The following PRMT8 variants were observed in gnomAD, a reference collection of about 807,000 sequenced individuals.
The protein encoded by PRMT8 is protein arginine methyltransferase 8, also known as protein arginine N-methyltransferase 8.
PRMT8 carries 7 observed loss-of-function variants against 47.1 expected under a neutral mutation model. The ratio of observed to expected loss-of-function variants is 0.15; its 90% CI spans 0.08 to 0.28. PRMT8 has a LOEUF of 0.28. PRMT8 is among the 10% of genes least tolerant of loss of function. The pLI, the probability that PRMT8 is intolerant of heterozygous loss-of-function variation, is 1.00. For synonymous variants in PRMT8, 188 were observed against 186.5 expected (o/e 1.01, Z -0.07); for missense variants, 237 against 505.4 (o/e 0.47, Z 5.09).
Position 3,569,682 on chromosome 12 carries a change from A to G in PRMT8, c.712+118A>G. 1.2e-6 allele frequency: 1 copy of G among 825,836 alleles called. No homozygotes were observed. Among genetic ancestry groups the G allele is most frequent in the South Asian group, 1.4e-5 (1 of 71,262 alleles). 51.2% of individuals were successfully genotyped at this position (825,836 alleles called of 1,614,324 possible). On this transcript the variant is annotated intron_variant, in intron 6 of 9. Transcript: ENST00000382622. This position sits in a 1 kb window ranked among gnomAD's most constrained non-coding sequence, Gnocchi z 8.2. Reference sequence around the variant, plus strand: ...AACACCATTGCTGTCCCTGAAGAGGAGCTTATCTGGGACCCTTTCTGGAGT... The same window carrying G: ...AACACCATTGCTGTCCCTGAAGAGGGGCTTATCTGGGACCCTTTCTGGAGT...
At chr12:3,454,655 C>T (rs1255741411) in intron 1 of PRMT8, among the ~76,000 whole-genome samples, 2 of 152,110 alleles carry the variant, frequency 1.3e-5, no homozygotes, top group Non-Finnish European at 2.9e-5. Context: ...CCCCTATAAA[C>T]TTCATAAAAT....
At chr12:3,393,279 G>GGAAGGCAAAAATTA (rs1864214139) in intron 1 of PRMT8, among the ~76,000 whole-genome samples, 2 of 151,716 alleles carry the variant, frequency 1.3e-5, no homozygotes, top group African/African-American at 2.4e-5. Context: ...TAGACATGAA[G>GGAAGGCAAAAATTA]TCCTTGCCCA....
At chr12:3,482,014 G>T (rs745435513) in intron 1 of PRMT8, among the ~76,000 whole-genome samples, 31 of 152,302 alleles carry the variant, frequency 2.0e-4, no homozygotes, top group African/African-American at 6.7e-4. Context: ...TTATCCAATC[G>T]GGGAAAGGAA....
intron 1 of PRMT8, among the ~76,000 whole-genome samples, chr12:3,481,249 C>A (rs977390978): frequency 3.2e-4 from 49 of 152,216 alleles, no homozygotes; most frequent in Non-Finnish European, 1.9e-4. Context: ...TCTCCTCCCC[C>A]AAGGCTTCCC....
intron 1 of PRMT8, among the ~76,000 whole-genome samples, chr12:3,523,057 C>G (rs1361363921): frequency 1.3e-5 from 2 of 152,034 alleles, no homozygotes; most frequent in Non-Finnish European, 2.9e-5. Context: ...AAACCTCCAC[C>G]CCCCAAACCA....
intron 1 of PRMT8, among the ~76,000 whole-genome samples, chr12:3,451,035 C>A (rs1289553283): frequency 0.014 from 71 of 5,044 alleles, 1 homozygote; most frequent in African/African-American, 0.039. Flanking sequence ...TTGCTGACAC[C>A]CCCCCCCCCC....
intron 1 of PRMT8, among the ~76,000 whole-genome samples, chr12:3,517,967 C>G (rs1283738365): frequency 2.0e-5 from 3 of 151,908 alleles, no homozygotes; most frequent in Non-Finnish European, 4.4e-5. Context: ...TAATAAAATC[C>G]CATCCCCACA....
chr12:3,401,349 C>T (rs1407949349), intron 1 of PRMT8, among the ~76,000 whole-genome samples: 1 of 151,826 alleles, frequency 6.6e-6, no homozygotes, highest in Non-Finnish European at 1.5e-5. Flanking sequence ...CCATGTATGA[C>T]CAACCCACAG....
intron 1 of PRMT8, among the ~76,000 whole-genome samples, chr12:3,464,695 G>A (rs1865074286): frequency 6.6e-6 from 1 of 152,178 alleles, no homozygotes; most frequent in Non-Finnish European, 1.5e-5. Flanking sequence ...CAGACTTCTG[G>A]TTTGGAGCTT....
At chr12:3,511,980 C>T (rs988826915) in intron 1 of PRMT8, among the ~76,000 whole-genome samples, 4 of 152,162 alleles carry the variant, frequency 2.6e-5, no homozygotes, top group Admixed American at 6.5e-5. Flanking sequence ...ATGGCTGGTG[C>T]CAGCAGCTGA....
At chr12:3,509,389 A>G (rs930262697) in intron 1 of PRMT8, among the ~76,000 whole-genome samples, 1 of 152,118 alleles carries the variant, frequency 6.6e-6, no homozygotes, top group African/African-American at 2.4e-5. Context: ...CCACCTTCAG[A>G]TCCAAGTCTC....
chr12:3,516,799 C>T (rs931364257), intron 1 of PRMT8, among the ~76,000 whole-genome samples: 5 of 152,060 alleles, frequency 3.3e-5, no homozygotes, highest in Non-Finnish European at 7.4e-5. Context: ...CCCCTCCCCA[C>T]CTTCCCCCTC....
intron 2 of PRMT8, among the ~76,000 whole-genome samples, chr12:3,546,214 T>G (rs1866325513): frequency 6.6e-6 from 1 of 152,146 alleles, no homozygotes; most frequent in African/African-American, 2.4e-5. Flanking sequence ...AGAGGGAAAT[T>G]TACAGCTTCA....
intron 1 of PRMT8, among the ~76,000 whole-genome samples, chr12:3,439,595 A>G (rs1864778030): frequency 1.3e-5 from 2 of 152,172 alleles, no homozygotes; most frequent in African/African-American, 4.8e-5. Flanking sequence ...TTGCTGGCTC[A>G]CTGTTACAGT....
At position 3,436,194 on chromosome 12, in the gene PRMT8, G is replaced by A. The variant is rs1183805099; in HGVS notation, c.48+54752G>A. Among the ~76,000 whole-genome samples the A allele has an allele frequency of 2.0e-5, 3 of 152,158 alleles. No individual in the cohort carries two copies. The highest frequency in any genetic ancestry group is 4.4e-5 in the Non-Finnish European group (3 of 68,024). On this transcript the variant is annotated intron_variant, in intron 1 of 9. Coordinates refer to the PRMT8 transcript ENST00000452611. This position sits in a 1 kb window ranked among gnomAD's most constrained non-coding sequence, Gnocchi z 4.2. ...TCCCCTCCCGTTTGTGACCTTGTGA[G>A]GATGGTTAGGATCCAATCACACACT...
Position 3,422,731 on chromosome 12 carries a change from C to T in PRMT8, c.48+41289C>T, listed in dbSNP as rs577129870. 1.9e-4 allele frequency among the ~76,000 whole-genome samples: 29 copies of T among 152,324 alleles called. No individual in the cohort carries two copies. The South Asian group carries it at 3.9e-3, about 21-fold the overall frequency. ...TGATTTTTAACTCCCAGGCCCAGGG[C>T]GCAGTGCTGGGCTATCTGCCTGTGG... is the stretch of plus-strand genomic sequence containing the variant. On this transcript the variant is annotated intron_variant, in intron 1 of 9. Transcript: ENST00000452611.
intron 1 of PRMT8, among the ~76,000 whole-genome samples, chr12:3,505,362 T>C: frequency 6.6e-6 from 1 of 152,218 alleles, no homozygotes; most frequent in Non-Finnish European, 1.5e-5. Flanking sequence ...AAATGGCTGA[T>C]GAATGGCCTC....
intron 4 of PRMT8, among the ~76,000 whole-genome samples, chr12:3,567,269 A>G (rs567662744): frequency 1.4e-4 from 22 of 152,338 alleles, no homozygotes; most frequent in Non-Finnish European, 2.8e-4. Context: ...ATGGTTGTTC[A>G]CTTGGGAATT....
rs1866545501 is a variant in PRMT8 at position 3,557,379 on chromosome 12, G to A, written c.481+3665G>A. Reference sequence around the variant, plus strand: ...TAAGCTGGGCCAGGAAGGAAGCGGAGAAGGATGGTGGTGGTTGTGACAAAG... The same window carrying A: ...TAAGCTGGGCCAGGAAGGAAGCGGAAAAGGATGGTGGTGGTTGTGACAAAG... On this transcript the variant is annotated intron_variant, in intron 4 of 9. Transcript: ENST00000382622. This position sits in a 1 kb window ranked among gnomAD's most constrained non-coding sequence, Gnocchi z 4.7. Among the ~76,000 whole-genome samples the A allele has an allele frequency of 6.6e-6, 1 of 152,156 alleles. No individual in the cohort carries two copies. The highest frequency in any genetic ancestry group is 1.5e-5 in the Non-Finnish European group (1 of 68,032).
Sources: gnomAD v4.1 joint callset for allele counts (sites outside exome capture counted in the v4.1 genomes callset) on GRCh38, gnomAD v4.1.1 for gene constraint, Gnocchi (gnomAD v3.1) non-coding constraint, MANE v1.5 for transcripts, NCBI Gene and HGNC (gene_info 2026-07-23, HGNC 2026-07-21) for gene names.